Variants in SATB2 observed in about 807,000 individuals in gnomAD.
The protein encoded by SATB2 is DNA-binding protein SATB2.
Under a neutral mutation model 73.4 loss-of-function variants are expected in SATB2, and 1 was observed. The observed-to-expected ratio is 0.01, with a 90% CI of 0.00 to 0.06. SATB2 has a LOEUF of 0.06. Ranked by LOEUF, SATB2 falls within the 10% of genes least tolerant of loss-of-function variation. SATB2 has a pLI of 1.00. For synonymous variants in SATB2, 397 were observed against 367.0 expected (o/e 1.08, Z -0.93); for missense variants, 459 against 945.8 (o/e 0.49, Z 6.75).
chr2:199,381,900 G>T, intron 3 of SATB2, 80 bp from the exon 4 acceptor site: 2 of 1,510,612 alleles, frequency 1.3e-6, no homozygotes, highest in Non-Finnish European at 1.8e-6. Context: ...TGTTAAGAAG[G>T]TCATTCAATC....
chr2:199,400,283 G>C (rs1191645844), intron 3 of SATB2, among the ~76,000 whole-genome samples: 3 of 152,174 alleles, frequency 2.0e-5, no homozygotes, highest in African/African-American at 7.2e-5. Flanking sequence ...ACTGAACTTA[G>C]CACCTGGCAT....
intron 10 of SATB2, among the ~76,000 whole-genome samples, chr2:199,289,669 C>A (rs899083824): frequency 2.6e-5 from 4 of 152,120 alleles, no homozygotes; most frequent in African/African-American, 9.7e-5. Flanking sequence ...CAGTACAAAA[C>A]AAACATACTT....
chr2:199,324,220 A>G (rs532640651), intron 8 of SATB2, among the ~76,000 whole-genome samples: 1 of 152,218 alleles, frequency 6.6e-6, no homozygotes, highest in African/African-American at 2.4e-5. Context: ...GCTCTCCTAG[A>G]CACCAAACTA....
intron 6 of SATB2, among the ~76,000 whole-genome samples, chr2:199,366,994 T>C (rs1385646658): frequency 2.0e-5 from 3 of 152,136 alleles, no homozygotes; most frequent in Non-Finnish European, 4.4e-5. Flanking sequence ...TTTCTGAATC[T>C]GGAATTACAC....
intron 10 of SATB2, among the ~76,000 whole-genome samples, chr2:199,274,512 A>G (rs1692253456): frequency 6.6e-6 from 1 of 152,216 alleles, no homozygotes; most frequent in Non-Finnish European, 1.5e-5. Context: ...CAATAAACAA[A>G]AGAAGTTTAA....
intron 10 of SATB2, among the ~76,000 whole-genome samples, chr2:199,289,624 G>A (rs1013964434): frequency 8.5e-5 from 13 of 152,144 alleles, no homozygotes; most frequent in Admixed American, 4.6e-4. Flanking sequence ...ATGTGAATAC[G>A]CTTCGGGGTG....
Position 199,457,063 on chromosome 2 carries a change from G to T in SATB2, c.-60+276C>A, listed in dbSNP as rs959287068. Reference sequence around the variant, plus strand: ...CCGCAAGAAGCAAGACCCCGGCACCGTACTGCGTGCGCGCTGGGAATCCTC... The same window carrying T: ...CCGCAAGAAGCAAGACCCCGGCACCTTACTGCGTGCGCGCTGGGAATCCTC... On this transcript the variant is annotated intron_variant, in intron 1 of 10. Transcript: ENST00000417098. This position sits in a 1 kb window ranked among gnomAD's most constrained non-coding sequence, Gnocchi z 4.8. Among the ~76,000 whole-genome samples, 12 of 152,126 alleles carry T rather than the reference G, an allele frequency of 7.9e-5. No homozygotes were observed. Among genetic ancestry groups the T allele is most frequent in the Non-Finnish European group, 1.5e-5 (1 of 68,006 alleles).
At chr2:199,364,139 G>C (rs753229675) in intron 6 of SATB2, among the ~76,000 whole-genome samples, 93 of 152,296 alleles carry the variant, frequency 6.1e-4, no homozygotes, top group Admixed American at 1.2e-3. Context: ...GCACCACTTT[G>C]TAAATGACAC....
At position 199,455,723 on chromosome 2, in the gene SATB2, G is replaced by A; in HGVS notation, c.169+146C>T. The A allele has an allele frequency of 2.3e-6, 2 of 879,998 alleles. No individual in the cohort carries two copies. The highest frequency in any genetic ancestry group is 1.8e-6 in the Non-Finnish European group (1 of 568,650). 54.5% of individuals were successfully genotyped at this position (879,998 alleles called of 1,614,324 possible). On this transcript the variant is annotated intron_variant, in intron 2 of 10. Transcript: ENST00000417098. This position sits in a 1 kb window ranked among gnomAD's most constrained non-coding sequence, Gnocchi z 4.1. The stretch of plus-strand genomic sequence containing the variant: ...GGAGATGAAGCTACCAGTTGCAGAT[G>A]AGAGGCGACGGGGGCATTATTTGGC...
chr2:199,469,216 A>G (rs1306027871), upstream of SATB2, among the ~76,000 whole-genome samples: 1 of 152,134 alleles, frequency 6.6e-6, no homozygotes, highest in Non-Finnish European at 1.5e-5. Flanking sequence ...GTTAACCGGA[A>G]AGGGTGCTGC....
chr2:199,336,123 C>T (rs1029184356), intron 7 of SATB2, among the ~76,000 whole-genome samples: 2 of 152,100 alleles, frequency 1.3e-5, no homozygotes, highest in South Asian at 2.1e-4. Context: ...TAATGATTAT[C>T]CCTTCCTCCT....
chr2:199,423,952 G>A (rs1350630954), intron 3 of SATB2: 2 of 152,186 alleles, frequency 1.3e-5, no homozygotes, highest in African/African-American at 4.8e-5. Context: ...GCGCAACCTG[G>A]AAGCTGAGGG....
intron 2 of SATB2, among the ~76,000 whole-genome samples, chr2:199,454,057 G>A (rs984134886): frequency 5.3e-5 from 8 of 151,878 alleles, no homozygotes; most frequent in South Asian, 2.1e-4. Flanking sequence ...AACACATAAG[G>A]GCTCAAATGT....
intron 10 of SATB2, among the ~76,000 whole-genome samples, chr2:199,298,047 T>C (rs1687167612): frequency 6.6e-6 from 1 of 152,202 alleles, no homozygotes; most frequent in Non-Finnish European, 1.5e-5. Context: ...GCTCCCGTTA[T>C]CTTGCTGAAT....
chr2:199,398,212 C>G (rs1204696521), intron 3 of SATB2, among the ~76,000 whole-genome samples: 3 of 152,092 alleles, frequency 2.0e-5, no homozygotes, highest in Non-Finnish European at 4.4e-5. Context: ...GCTGAATAAC[C>G]TGGGCCACAC....
chr2:199,320,851 G>C (rs568164322), intron 9 of SATB2, among the ~76,000 whole-genome samples: 16 of 152,202 alleles, frequency 1.1e-4, no homozygotes, highest in African/African-American at 3.9e-4. Context: ...ATTGTTAACA[G>C]CTGATTACAG....
chr2:199,406,786 G>T (rs984643396), intron 3 of SATB2, among the ~76,000 whole-genome samples: 4 of 152,014 alleles, frequency 2.6e-5, no homozygotes, highest in African/African-American at 4.8e-5. Context: ...AAAAAAATGG[G>T]TGTAATTCCA....
intron 10 of SATB2, among the ~76,000 whole-genome samples, chr2:199,299,793 C>T (rs575723567): frequency 2.6e-5 from 4 of 152,114 alleles, no homozygotes; most frequent in South Asian, 2.1e-4. Context: ...GCAGGCTTAT[C>T]GATGAAATTT....
chr2:199,413,206 C>T (rs1235721373), intron 3 of SATB2, among the ~76,000 whole-genome samples: 8 of 152,110 alleles, frequency 5.3e-5, no homozygotes, highest in Non-Finnish European at 1.2e-4. Flanking sequence ...TACTCCGAAG[C>T]ACATATGTAA....
Sources: gnomAD v4.1 joint callset for allele counts (sites outside exome capture counted in the v4.1 genomes callset) on GRCh38, gnomAD v4.1.1 for gene constraint, Gnocchi (gnomAD v3.1) non-coding constraint, MANE v1.5 for transcripts, NCBI Gene and HGNC (gene_info 2026-07-23, HGNC 2026-07-21) for gene names.